The following RNF4 variants were observed in gnomAD, a reference collection of about 807,000 sequenced individuals.
RNF4 encodes the protein ring finger protein 4.
In RNF4, 7 loss-of-function variants were observed where a neutral mutation model predicts 24.3. That is an observed-to-expected ratio of 0.29 (90% CI 0.16 to 0.54). RNF4 has a LOEUF of 0.54. RNF4 is among the 20% of genes least tolerant of loss of function. The pLI, the probability that RNF4 is intolerant of heterozygous loss-of-function variation, is 0.95. For missense variants in RNF4, 209 were observed against 248.5 expected, an observed-to-expected ratio of 0.84 and a Z score of 1.07; for synonymous variants, 83 against 84.3, an observed-to-expected ratio of 0.98 and a Z score of 0.09.
At chr4:2,499,057 C>T (rs1280695652) in intron 3 of RNF4, among the ~76,000 whole-genome samples, 6 of 151,850 alleles carry the variant, frequency 4.0e-5, no homozygotes, top group East Asian at 1.9e-4. Flanking sequence ...ATTAGACGGG[C>T]GTGGTGGCGG....
intron 1 of RNF4, among the ~76,000 whole-genome samples, chr4:2,478,028 G>T (rs1314517630): frequency 6.6e-6 from 1 of 152,172 alleles, no homozygotes; most frequent in African/African-American, 2.4e-5. Flanking sequence ...GGCTGAGATG[G>T]TCTCAGATGG....
rs1734812153 is a variant in RNF4, at chr4:2,469,231, T to G, written c.-185T>G. 1 of 152,130 alleles carries G rather than the reference T, an allele frequency of 6.6e-6. No individual in the cohort carries two copies. The highest frequency in any genetic ancestry group is 1.5e-5 in the Non-Finnish European group (1 of 68,046). 9.4% of individuals were successfully genotyped at this position (152,130 alleles called of 1,614,324 possible). ...GCCTGCGGACCTAACTAGCTCCAGG[T>G]TAGGCCGAGCTTTGCGGGAAAGCAG... On this transcript the variant is annotated 5_prime_UTR_variant, in exon 1 of 8. Coordinates refer to ENST00000314289, the MANE Select transcript of RNF4 (RefSeq NM_002938.5).
At chr4:2,510,627 C>T (rs1000069242) in intron 4 of RNF4, among the ~76,000 whole-genome samples, 1 of 152,168 alleles carries the variant, frequency 6.6e-6, no homozygotes, top group Non-Finnish European at 1.5e-5. Context: ...CCTGGCTGCA[C>T]GGGAGTCAGA....
intron 4 of RNF4, among the ~76,000 whole-genome samples, chr4:2,502,103 C>T (rs1735929142): frequency 6.6e-6 from 1 of 152,224 alleles, no homozygotes. Flanking sequence ...CTGGCAGCTA[C>T]AGCACAGTCA....
chr4:2,485,816 T>G (rs568563667), intron 1 of RNF4, among the ~76,000 whole-genome samples: 36 of 152,318 alleles, frequency 2.4e-4, no homozygotes, highest in Non-Finnish European at 4.0e-4. Flanking sequence ...AGCCTTGTCC[T>G]CGTAGCGCTT....
At chr4:2,484,375 A>G (rs113162148) in intron 1 of RNF4, among the ~76,000 whole-genome samples, 7 of 152,080 alleles carry the variant, frequency 4.6e-5, no homozygotes, top group African/African-American at 1.4e-4. Flanking sequence ...ATTTGGTTCC[A>G]GTCTAACACT....
chr4:2,502,653 C>T (rs1735948601), intron 4 of RNF4, among the ~76,000 whole-genome samples: 1 of 145,632 alleles, frequency 6.9e-6, no homozygotes, highest in South Asian at 2.2e-4. Flanking sequence ...GCCCGGGCAA[C>T]AGAGTGAGAC....
At chr4:2,469,523 G>C (rs943787018) in intron 1 of RNF4, 3 of 152,288 alleles carry the variant, frequency 2.0e-5, no homozygotes, top group African/African-American at 7.2e-5. Flanking sequence ...TTAGTTCCTA[G>C]CCTAGGAAGG....
intron 1 of RNF4, among the ~76,000 whole-genome samples, chr4:2,471,658 C>G (rs1264961713): frequency 6.6e-6 from 1 of 152,202 alleles, no homozygotes; most frequent in Non-Finnish European, 1.5e-5. Flanking sequence ...AATTAAAATG[C>G]TACTCCAATG....
chr4:2,481,082 AT>A (rs1224383412), intron 1 of RNF4: 4 of 152,222 alleles, frequency 2.6e-5, no homozygotes, highest in Non-Finnish European at 5.9e-5. Flanking sequence ...GTTGACTTGT[AT>A]GTGAGCCACA....
chr4:2,506,225 C>A (rs1736097174), intron 4 of RNF4: 1 of 152,220 alleles, frequency 6.6e-6, no homozygotes, highest in African/African-American at 2.4e-5. Flanking sequence ...GCTCTGTCGC[C>A]CACGCTGGAG....
In RNF4 at chr4:2,477,792, C is replaced by T. The variant is rs1329725610; in HGVS notation, c.-158+8534C>T. 3.3e-5 allele frequency among the ~76,000 whole-genome samples: 5 copies of T among 152,096 alleles called. No individual in the cohort carries two copies. The East Asian group carries it at 7.7e-4, about 23-fold the overall frequency. On this transcript the variant is annotated intron_variant, in intron 1 of 7. Coordinates refer to ENST00000314289, the MANE Select transcript of RNF4 (RefSeq NM_002938.5). ...GTCTCAGGTATGTCTTTATTAGCAT[C>T]GTGAAAACATACTGGTACAGTAAGT...
At chr4:2,485,679 C>G (rs1735384641) in intron 1 of RNF4, among the ~76,000 whole-genome samples, 1 of 152,214 alleles carries the variant, frequency 6.6e-6, no homozygotes, top group African/African-American at 2.4e-5. Context: ...GACCACTTCT[C>G]TACCCCAGCT....
chr4:2,469,441 G>A (rs1439269704), intron 1 of RNF4, 183 bp downstream of exon 1: 1 of 152,226 alleles, frequency 6.6e-6, no homozygotes, highest in East Asian at 1.9e-4. Context: ...AGCCCGGCTT[G>A]GCGCGGGCAA....
At chr4:2,506,481 C>A (rs1736104386) in intron 4 of RNF4, among the ~76,000 whole-genome samples, 1 of 152,216 alleles carries the variant, frequency 6.6e-6, no homozygotes, top group Non-Finnish European at 1.5e-5. Flanking sequence ...CATGTCCGGC[C>A]TCCTTGGTTG....
chr4:2,496,741 G>T (rs758675930), intron 2 of RNF4, among the ~76,000 whole-genome samples: 4 of 152,098 alleles, frequency 2.6e-5, no homozygotes, highest in African/African-American at 9.7e-5. Context: ...TTACAGGTGT[G>T]AGCCACCATG....
At chr4:2,501,675 G>A (rs1033512350) in intron 4 of RNF4, among the ~76,000 whole-genome samples, 1 of 152,210 alleles carries the variant, frequency 6.6e-6, no homozygotes. Context: ...CACAGGTCGG[G>A]GTGGGGGCAC....
At chr4:2,500,637 G>A (rs551288847) in intron 3 of RNF4, 22 bp from the exon 4 acceptor site, 3 of 1,612,166 alleles carry the variant, frequency 1.9e-6, no homozygotes, top group African/African-American at 2.7e-5. Context: ...CTTAATGCTT[G>A]TTGAAATACT....
At chr4:2,497,271 C>T (rs1322439959) in intron 3 of RNF4, 150 bp downstream of exon 3, 4 of 555,278 alleles carry the variant, frequency 7.2e-6, no homozygotes, top group Non-Finnish European at 9.6e-6. Flanking sequence ...TTCACAGATT[C>T]TGAAATAGCT....
Sources: allele counts gnomAD v4.1 joint callset (sites outside exome capture counted in the v4.1 genomes callset), GRCh38; gene constraint gnomAD v4.1.1; transcripts MANE v1.5; gene names NCBI Gene and HGNC (gene_info 2026-07-23, HGNC 2026-07-21).